Variants in PBX1 observed in about 807,000 individuals in gnomAD.
The protein encoded by PBX1 is pre-B-cell leukemia transcription factor 1.
In PBX1, 6 loss-of-function variants were observed where a neutral mutation model predicts 53.4. The observed-to-expected ratio is 0.11, with a 90% CI of 0.06 to 0.22. The LOEUF is 0.22. PBX1 is among the 10% of genes least tolerant of loss of function. The pLI is 1.00. For missense variants in PBX1, 251 were observed against 551.4 expected (o/e 0.46, Z 5.46); for synonymous variants, 204 against 212.3 (o/e 0.96, Z 0.34).
At chr1:164,605,764 TAAAC>T (rs754198362) in intron 2 of PBX1, among the ~76,000 whole-genome samples, 7 of 152,212 alleles carry the variant, frequency 4.6e-5, no homozygotes, top group Admixed American at 6.5e-5. Flanking sequence ...CTGGTTTAAA[TAAAC>T]AAACTTTTAA....
chr1:164,883,912 C>G (rs998001033), intron 2 of PBX1, among the ~76,000 whole-genome samples: 1 of 152,152 alleles, frequency 6.6e-6, no homozygotes, highest in Non-Finnish European at 1.5e-5. Flanking sequence ...GTCTAACACT[C>G]CCTCTGAACT....
intron 2 of PBX1, among the ~76,000 whole-genome samples, chr1:164,788,487 T>C (rs1336904409): frequency 6.6e-6 from 1 of 151,964 alleles, no homozygotes; most frequent in Non-Finnish European, 1.5e-5. Context: ...TTGCGCTGGC[T>C]ACAAATATGA....
At chr1:164,605,881 GTAGT>G (rs963506639) in intron 2 of PBX1, among the ~76,000 whole-genome samples, 2 of 152,162 alleles carry the variant, frequency 1.3e-5, no homozygotes, top group African/African-American at 4.8e-5. Flanking sequence ...CAGTTTATCA[GTAGT>G]TAGAGTTTAT....
chr1:164,593,266 G>A (rs1358464412), intron 2 of PBX1, among the ~76,000 whole-genome samples: 3 of 152,132 alleles, frequency 2.0e-5, no homozygotes, highest in East Asian at 3.9e-4. Flanking sequence ...CCAACCCTTA[G>A]ATTCTTTTTT....
chr1:164,810,957 C>T (rs574687021), intron 5 of PBX1, among the ~76,000 whole-genome samples: 2 of 152,100 alleles, frequency 1.3e-5, no homozygotes, highest in South Asian at 2.1e-4. Flanking sequence ...TTTGTTAATG[C>T]GTTTAAAAAA....
At chr1:164,760,077 T>C (rs545166641) in intron 2 of PBX1, among the ~76,000 whole-genome samples, 1 of 152,294 alleles carries the variant, frequency 6.6e-6, no homozygotes, top group African/African-American at 2.4e-5. Flanking sequence ...CTGAGTCAAG[T>C]TTATTGTTTC....
At chr1:164,876,273 C>T (rs1672509351) in intron 2 of PBX1, among the ~76,000 whole-genome samples, 1 of 151,978 alleles carries the variant, frequency 6.6e-6, no homozygotes, top group Non-Finnish European at 1.5e-5. Context: ...ATGGATGGCG[C>T]AGCAGCGTCT....
intron 2 of PBX1, chr1:164,684,008 G>A (rs1661944797): frequency 6.6e-6 from 1 of 152,038 alleles, no homozygotes; most frequent in African/African-American, 2.4e-5. Flanking sequence ...AGAGATGAAG[G>A]GGTCTCAGTA....
intron 2 of PBX1, chr1:164,770,789 G>A (rs1290320431): frequency 2.0e-5 from 3 of 152,154 alleles, no homozygotes; most frequent in African/African-American, 7.2e-5. Flanking sequence ...AATTACATAG[G>A]CTTGAGATAC....
At chr1:164,699,622 G>T (rs1686183) in intron 2 of PBX1, among the ~76,000 whole-genome samples, 13 of 152,176 alleles carry the variant, frequency 8.5e-5, no homozygotes, top group Non-Finnish European at 2.9e-5. Flanking sequence ...ATGAAAGGGG[G>T]AGGTGGTCAG....
intron 2 of PBX1, chr1:164,657,213 A>G (rs1192903328): frequency 1.3e-5 from 2 of 152,226 alleles, no homozygotes; most frequent in Admixed American, 6.5e-5. Flanking sequence ...AAAGAGGAGC[A>G]ATTATTTCAG....
chr1:164,739,845 A>G (rs907200514), intron 2 of PBX1, among the ~76,000 whole-genome samples: 1 of 151,976 alleles, frequency 6.6e-6, no homozygotes, highest in African/African-American at 2.4e-5. Context: ...CTCTTTTCAG[A>G]CAAAGTAAGG....
intron 2 of PBX1, among the ~76,000 whole-genome samples, chr1:164,884,805 G>GC (rs1005484986): frequency 6.6e-6 from 1 of 152,034 alleles, no homozygotes; most frequent in Non-Finnish European, 1.5e-5. Flanking sequence ...CTTTCTCTTC[G>GC]CCCCCACTAA....
At chr1:164,877,988 A>T (rs77513342) in intron 2 of PBX1, among the ~76,000 whole-genome samples, 1 of 152,186 alleles carries the variant, frequency 6.6e-6, no homozygotes, top group Non-Finnish European at 1.5e-5. Context: ...CCTGCACTAT[A>T]TACTCTTTCT....
At chr1:164,639,163 A>T (rs1658967905) in intron 2 of PBX1, among the ~76,000 whole-genome samples, 1 of 152,192 alleles carries the variant, frequency 6.6e-6, no homozygotes, top group African/African-American at 2.4e-5. Context: ...AGGTTAAAAG[A>T]GGCGCTAGTT....
In PBX1 at chr1:164,763,462, C is replaced by T. The variant is rs74523724; in HGVS notation, c.266-29032C>T. ...TCCCATCAGTTAGGACTTAGTATTACGACTACATTTAGTTACAAGGGAGTC... is the reference window on the plus strand; with the variant it reads ...TCCCATCAGTTAGGACTTAGTATTATGACTACATTTAGTTACAAGGGAGTC... On this transcript the variant is annotated intron_variant, in intron 2 of 8. Coordinates refer to ENST00000420696, the MANE Select transcript of PBX1 (RefSeq NM_002585.4). 4.2e-3 allele frequency among the ~76,000 whole-genome samples: 637 copies of T among 152,302 alleles called. 6 individuals carry two copies. Among genetic ancestry groups the T allele is most frequent in the African/African-American group, 0.014 (596 of 41,562 alleles).
At chr1:164,570,351 G>A (rs973669740) in intron 2 of PBX1, among the ~76,000 whole-genome samples, 4 of 151,924 alleles carry the variant, frequency 2.6e-5, no homozygotes, top group Non-Finnish European at 5.9e-5. Flanking sequence ...AATGCTCTCC[G>A]TCCCCTTGTC....
At chr1:164,589,600 A>T (rs951785269) in intron 2 of PBX1, among the ~76,000 whole-genome samples, 1 of 152,190 alleles carries the variant, frequency 6.6e-6, no homozygotes, top group Non-Finnish European at 1.5e-5. Context: ...TACCTCCAAA[A>T]GGTGAGTTGT....
intron 2 of PBX1, among the ~76,000 whole-genome samples, chr1:164,747,706 CAT>C (rs1195659387): frequency 1.3e-5 from 2 of 152,216 alleles, no homozygotes; most frequent in Admixed American, 6.5e-5. Context: ...ATAATCCTCT[CAT>C]AGAAAAATTT....
Sources: gnomAD v4.1 joint callset for allele counts (sites outside exome capture counted in the v4.1 genomes callset) on GRCh38, gnomAD v4.1.1 for gene constraint, MANE v1.5 for transcripts, NCBI Gene and HGNC (gene_info 2026-07-23, HGNC 2026-07-21) for gene names.